CCDC6: variants seen among roughly 807,000 people sequenced by gnomAD.
The protein encoded by CCDC6 is coiled-coil domain containing 6.
In CCDC6, 20 loss-of-function variants were observed where a neutral mutation model predicts 56.6. The ratio of observed to expected loss-of-function variants is 0.35; its 90% CI spans 0.25 to 0.51. CCDC6 has a LOEUF of 0.51. Among genes scored for constraint, CCDC6 ranks in the 20% least tolerant of loss-of-function variants. The probability of loss-of-function intolerance (pLI) is 0.95; values close to 1 mark genes in which losing one functional copy is unlikely to be tolerated. For missense variants in CCDC6, 367 were observed against 601.1 expected (o/e 0.61, Z 4.07); for synonymous variants, 241 against 234.4 (o/e 1.03, Z -0.26).
intron 5 of CCDC6, among the ~76,000 whole-genome samples, chr10:59,811,873 A>G (rs1394346662): frequency 6.6e-6 from 1 of 152,148 alleles, no homozygotes; most frequent in East Asian, 1.9e-4. Flanking sequence ...CACAGTTCAA[A>G]CCCGTGTTGT....
chr10:59,857,573 G>A (rs183847925), intron 1 of CCDC6, among the ~76,000 whole-genome samples: 4 of 152,092 alleles, frequency 2.6e-5, no homozygotes, highest in South Asian at 4.1e-4. Context: ...GAAAGAGAAC[G>A]GTTCTCCAAA....
At chr10:59,881,455 A>AT (rs1366050873) in intron 1 of CCDC6, among the ~76,000 whole-genome samples, 2 of 152,178 alleles carry the variant, frequency 1.3e-5, no homozygotes, top group Non-Finnish European at 1.5e-5. Flanking sequence ...AGGTGAGACA[A>AT]TTATGCCCCT....
chr10:59,795,637 C>T lies in CCDC6; in HGVS notation c.1106-1040G>A, dbSNP rs866798848. Among the ~76,000 whole-genome samples, 53 of 124,522 alleles carry T rather than the reference C, an allele frequency of 4.3e-4. No individual in the cohort carries two copies. In the Middle Eastern group the frequency reaches 0.013, roughly 30 times the overall value. The allele number at this position is 124,522 out of a possible 152,430, so 81.7% of individuals were successfully genotyped here. Reference sequence around the variant, plus strand: ...ATGCCTCTCCCCTCCCCCCACCCCACAACAGTCCCTAGAGTGTGATGTTAT... The same window carrying T: ...ATGCCTCTCCCCTCCCCCCACCCCATAACAGTCCCTAGAGTGTGATGTTAT... On this transcript the variant is annotated intron_variant, in intron 7 of 8. Coordinates refer to ENST00000263102, the MANE Select transcript of CCDC6 (RefSeq NM_005436.5).
intron 2 of CCDC6, among the ~76,000 whole-genome samples, chr10:59,837,561 T>C (rs531758446): frequency 6.6e-6 from 1 of 152,100 alleles, no homozygotes; most frequent in East Asian, 1.9e-4. Flanking sequence ...CTGGCTAACA[T>C]GGTGAAACCC....
At chr10:59,866,836 G>A (rs1428637058) in intron 1 of CCDC6, among the ~76,000 whole-genome samples, 1 of 152,128 alleles carries the variant, frequency 6.6e-6, no homozygotes, top group East Asian at 1.9e-4. Context: ...TCCCACAAAA[G>A]TCAACATTAT....
At chr10:59,860,414 G>A (rs2071118194) in intron 1 of CCDC6, among the ~76,000 whole-genome samples, 1 of 152,146 alleles carries the variant, frequency 6.6e-6, no homozygotes, top group Non-Finnish European at 1.5e-5. Flanking sequence ...GAAGAACTGA[G>A]AACCATTCCC....
chr10:59,804,574 GGA>G (rs1589035294), intron 6 of CCDC6, 54 bp from the exon 7 acceptor site: 1 of 988,034 alleles, frequency 1.0e-6, no homozygotes, highest in Admixed American at 1.7e-5. Flanking sequence ...ATAGGCCTTA[GGA>G]GAGTTTTTAA....
intron 1 of CCDC6, among the ~76,000 whole-genome samples, chr10:59,888,988 C>A (rs2071402544): frequency 1.3e-5 from 2 of 151,990 alleles, no homozygotes; most frequent in Admixed American, 1.3e-4. Flanking sequence ...ACATGGGCAG[C>A]CATTTCTCCT....
chr10:59,823,357 C>T lies in CCDC6; in HGVS notation c.583-8602G>A, dbSNP rs146117542. Among the ~76,000 whole-genome samples the T allele has an allele frequency of 2.2e-3, 338 of 152,288 alleles. 1 individual carries two copies. Among genetic ancestry groups the T allele is most frequent in the African/African-American group, 7.6e-3 (315 of 41,560 alleles). On this transcript the variant is annotated intron_variant, in intron 3 of 8. Coordinates refer to ENST00000263102, the MANE Select transcript of CCDC6 (RefSeq NM_005436.5). ...GGGCTTCAGGAGTTACAGGCACCCC[C>T]GCCTAGATGCTGCTACGGGGCCAGC...
chr10:59,844,746 C>CAA (rs56232975), intron 2 of CCDC6, among the ~76,000 whole-genome samples: 12 of 124,540 alleles, frequency 9.6e-5, no homozygotes, highest in Admixed American at 3.4e-4. Flanking sequence ...AGACTATCTC[C>CAA]AAAAAAAAAA....
chr10:59,790,817 A>G lies in CCDC6; in HGVS notation c.*2100T>C, dbSNP rs2070460750. 4.7e-6 allele frequency: 1 copy of G among 213,092 alleles called. No homozygotes were observed. Among genetic ancestry groups the G allele is most frequent in the Non-Finnish European group, 9.5e-6 (1 of 105,128 alleles). 13.2% of individuals were successfully genotyped at this position (213,092 alleles called of 1,614,324 possible). A position where few individuals can be genotyped will look rare whatever the true frequency, so the allele number is the denominator to read the frequency against. ...CTTTTTAAAAATTCAACATATGGCA[A>G]TGTTTTAATTTTTGTGCTTTCAAGA... On this transcript the variant is annotated 3_prime_UTR_variant, in exon 9 of 9. Transcript: ENST00000263102.
chr10:59,844,057 C>G (rs1487031071), intron 2 of CCDC6, among the ~76,000 whole-genome samples: 1 of 152,130 alleles, frequency 6.6e-6, no homozygotes, highest in East Asian at 1.9e-4. Flanking sequence ...CCCAACAGTT[C>G]TTCACCATCA....
chr10:59,847,806 A>T (rs1188209188), intron 2 of CCDC6, among the ~76,000 whole-genome samples: 1 of 148,056 alleles, frequency 6.8e-6, no homozygotes. Context: ...TCTGGAGAAT[A>T]GCCTTTTAGA....
intron 3 of CCDC6, among the ~76,000 whole-genome samples, chr10:59,826,739 C>A (rs902347965): frequency 6.6e-6 from 1 of 152,144 alleles, no homozygotes; most frequent in Admixed American, 6.5e-5. Context: ...ATAAATATGT[C>A]CATACCTGAA....
intron 4 of CCDC6, among the ~76,000 whole-genome samples, chr10:59,813,727 ACTT>A (rs897134649): frequency 6.6e-6 from 1 of 152,198 alleles, no homozygotes; most frequent in African/African-American, 2.4e-5. Flanking sequence ...TCGTAATTCA[ACTT>A]ATTAGTACTG....
In CCDC6 at chr10:59,906,110, G is replaced by A. The variant is rs770388408; in HGVS notation, c.303+12C>T. On this transcript the variant is annotated intron_variant, in intron 1 of 8. Coordinates refer to ENST00000263102, the MANE Select transcript of CCDC6 (RefSeq NM_005436.5). ...AGGTCGGCGCTGCGGCGCGTCCCCG[G>A]GGGGCACTCACGATGGTCACGCTGG... The A allele has an allele frequency of 1.3e-6, 2 of 1,572,800 alleles. No homozygotes were observed. Among genetic ancestry groups the A allele is most frequent in the African/African-American group, 1.4e-5 (1 of 72,560 alleles).
In CCDC6 at chr10:59,789,806, G is replaced by A. The variant is rs2070452285; in HGVS notation, c.*3111C>T. 4.5e-6 allele frequency: 1 copy of A among 219,882 alleles called. No homozygotes were observed. Among genetic ancestry groups the A allele is most frequent in the African/African-American group, 2.2e-5 (1 of 44,644 alleles). 13.6% of individuals were successfully genotyped at this position (219,882 alleles called of 1,614,324 possible). A position where few individuals can be genotyped will look rare whatever the true frequency, so the allele number is the denominator to read the frequency against. Reference sequence around the variant, plus strand: ...AAAAGCAAGGCTTTGTGCAGGAAAAGTTCATGTCTACCTAACAAAGGGTGA... The same window carrying A: ...AAAAGCAAGGCTTTGTGCAGGAAAAATTCATGTCTACCTAACAAAGGGTGA... On this transcript the variant is annotated 3_prime_UTR_variant, in exon 9 of 9. Transcript: ENST00000263102.
chr10:59,797,683 T>TTGTGTGTGTGTGTGTGTATGTGTG (rs2070535077), intron 7 of CCDC6, among the ~76,000 whole-genome samples: 1 of 140,528 alleles, frequency 7.1e-6, no homozygotes. Context: ...AGTGAGAGTG[T>TTGTGTGTGTGTGTGTGTATGTGTG]TGTGTGTGTG....
chr10:59,809,620 C>T (rs1160844758), intron 5 of CCDC6, among the ~76,000 whole-genome samples: 4 of 152,164 alleles, frequency 2.6e-5, no homozygotes. Flanking sequence ...CTCTTGCACA[C>T]AGAACTCCCT....
Sources: gnomAD v4.1 joint callset for allele counts (sites outside exome capture counted in the v4.1 genomes callset) on GRCh38, gnomAD v4.1.1 for gene constraint, MANE v1.5 for transcripts, NCBI Gene and HGNC (gene_info 2026-07-23, HGNC 2026-07-21) for gene names.